Variants in CLSTN2 observed in about 807,000 individuals in gnomAD.
CLSTN2 encodes the protein calsyntenin 2.
A neutral mutation model predicts 101.2 loss-of-function variants in CLSTN2; 48 were observed. That is an observed-to-expected ratio of 0.47 (90% CI 0.38 to 0.60). The LOEUF is 0.60. CLSTN2 is among the 20% of genes least tolerant of loss of function. The probability of loss-of-function intolerance (pLI) is 0.00; values close to 1 mark genes in which losing one functional copy is unlikely to be tolerated. For missense variants in CLSTN2, 1,160 were observed against 1,238.2 expected, an observed-to-expected ratio of 0.94 and a Z score of 0.95; for synonymous variants, 481 against 463.6, an observed-to-expected ratio of 1.04 and a Z score of -0.48.
chr3:140,211,409 C>CACAT (rs1223907936), intron 2 of CLSTN2, among the ~76,000 whole-genome samples: 2 of 147,418 alleles, frequency 1.4e-5, no homozygotes, highest in Non-Finnish European at 3.0e-5. Context: ...CACACACACA[C>CACAT]ACACACACAC....
chr3:140,366,961 G>A (rs145041893), intron 2 of CLSTN2, among the ~76,000 whole-genome samples: 377 of 152,278 alleles, frequency 2.5e-3, no homozygotes, highest in Non-Finnish European at 4.2e-3. Context: ...AGGAAGGCAG[G>A]CCAAGCCAAA....
chr3:140,398,251 A>C (rs571893694), intron 2 of CLSTN2, among the ~76,000 whole-genome samples: 1 of 152,220 alleles, frequency 6.6e-6, no homozygotes, highest in Non-Finnish European at 1.5e-5. Context: ...TTTAAAGTGC[A>C]CTTTCCATTT....
intron 2 of CLSTN2, among the ~76,000 whole-genome samples, chr3:140,392,220 A>G (rs760093951): frequency 1.5e-4 from 22 of 151,076 alleles, no homozygotes; most frequent in Non-Finnish European, 2.9e-4. Context: ...CCACATTTAA[A>G]AAAAAGAAAT....
At chr3:140,197,721 G>A (rs752546032) in intron 2 of CLSTN2, among the ~76,000 whole-genome samples, 3 of 152,248 alleles carry the variant, frequency 2.0e-5, no homozygotes, top group Middle Eastern at 3.4e-3. Flanking sequence ...GCAGCCAAAC[G>A]TCCTACAATA....
intron 1 of CLSTN2, among the ~76,000 whole-genome samples, chr3:140,128,303 C>T (rs2009468354): frequency 6.6e-6 from 1 of 152,156 alleles, no homozygotes; most frequent in Non-Finnish European, 1.5e-5. Flanking sequence ...AATTTCCACC[C>T]ACTGTGGGCC....
chr3:140,538,707 C>T (rs969168555), intron 9 of CLSTN2, among the ~76,000 whole-genome samples: 1 of 152,150 alleles, frequency 6.6e-6, no homozygotes, highest in African/African-American at 2.4e-5. Context: ...TTTAAATTAT[C>T]CTGAGTCCCT....
chr3:140,435,187 A>C (rs529965118), intron 5 of CLSTN2, among the ~76,000 whole-genome samples: 23 of 152,244 alleles, frequency 1.5e-4, no homozygotes, highest in African/African-American at 5.3e-4. Flanking sequence ...ATATCCATTA[A>C]CCATCCCCAC....
intron 5 of CLSTN2, among the ~76,000 whole-genome samples, chr3:140,427,617 T>C (rs1187326965): frequency 6.6e-6 from 1 of 152,110 alleles, no homozygotes; most frequent in Non-Finnish European, 1.5e-5. Flanking sequence ...TGGATCTCAT[T>C]ACACGTAGAG....
chr3:140,380,505 A>T (rs987049656), intron 2 of CLSTN2, among the ~76,000 whole-genome samples: 1 of 152,240 alleles, frequency 6.6e-6, no homozygotes, highest in African/African-American at 2.4e-5. Context: ...TCTGCAATTC[A>T]TCCAAGTTTT....
intron 1 of CLSTN2, among the ~76,000 whole-genome samples, chr3:140,010,380 T>C (rs1334131904): frequency 6.6e-6 from 1 of 152,218 alleles, no homozygotes; most frequent in African/African-American, 2.4e-5. Flanking sequence ...TAGACATGGC[T>C]GCATTTGTGT....
chr3:140,456,873 T>C (rs1933413603), intron 6 of CLSTN2, among the ~76,000 whole-genome samples: 1 of 152,296 alleles, frequency 6.6e-6, no homozygotes, highest in African/African-American at 2.4e-5. Flanking sequence ...TGACCAGCAC[T>C]GGGTTATTTT....
At chr3:140,014,591 C>A (rs1291595358) in intron 1 of CLSTN2, among the ~76,000 whole-genome samples, 2 of 152,060 alleles carry the variant, frequency 1.3e-5, no homozygotes, top group Non-Finnish European at 2.9e-5. Flanking sequence ...AGAAGATGAG[C>A]AAGTGGGCCA....
chr3:140,073,986 T>C (rs2008441450), intron 1 of CLSTN2, among the ~76,000 whole-genome samples: 1 of 152,180 alleles, frequency 6.6e-6, no homozygotes, highest in Non-Finnish European at 1.5e-5. Flanking sequence ...AAGAGCATGA[T>C]GCCTTGTACT....
chr3:140,291,735 AAAG>A (rs887068036), intron 2 of CLSTN2, among the ~76,000 whole-genome samples: 1 of 150,824 alleles, frequency 6.6e-6, no homozygotes, highest in Non-Finnish European at 1.5e-5. Context: ...TCCAATGCCA[AAAG>A]GAGAACTTTG....
In CLSTN2 at chr3:140,556,576, C is replaced by T. The variant is rs773100620; in HGVS notation, c.1738C>T (p.Arg580Cys). ...AGGTGACGACATTGGGAACATTAAC[C>T]GTGCTCTCCAGAAAGTCTCCTACAT... ...MEGDDIGNIN[R>C]ALQKVSYINS... is the part of the protein sequence containing the mutation. The change falls in exon 11 of 17, where the codon CGT (arginine) becomes TGT (cysteine). Residue 580 changes from arginine to cysteine, a missense_variant. Transcript: ENST00000458420. 4.8e-5 allele frequency: 78 copies of T among 1,613,936 alleles called. No individual in the cohort carries two copies. Among genetic ancestry groups the T allele is most frequent in the East Asian group, 3.3e-4 (15 of 44,880 alleles).
At chr3:140,536,770 G>A (rs1935366836) in intron 9 of CLSTN2, among the ~76,000 whole-genome samples, 2 of 152,194 alleles carry the variant, frequency 1.3e-5, no homozygotes, top group African/African-American at 4.8e-5. Flanking sequence ...GGTAAGGGAG[G>A]CAACACCATA....
chr3:140,369,303 A>C (rs1463458157), intron 2 of CLSTN2, among the ~76,000 whole-genome samples: 1 of 152,238 alleles, frequency 6.6e-6, no homozygotes, highest in Non-Finnish European at 1.5e-5. Context: ...ATCAGCAGTC[A>C]TTATAAGTCA....
chr3:139,953,053 T>G (rs1219227206), intron 1 of CLSTN2, among the ~76,000 whole-genome samples: 2 of 152,138 alleles, frequency 1.3e-5, no homozygotes, highest in Admixed American at 1.3e-4. Flanking sequence ...GGTTGTTGAG[T>G]TAGGTGGGAC....
At chr3:140,525,538 A>T (rs1358748822) in intron 8 of CLSTN2, among the ~76,000 whole-genome samples, 1 of 152,200 alleles carries the variant, frequency 6.6e-6, no homozygotes, top group African/African-American at 2.4e-5. Context: ...AACTATTCCA[A>T]AAAATTGAAG....
Sources: gnomAD v4.1 joint callset for allele counts (sites outside exome capture counted in the v4.1 genomes callset) on GRCh38, gnomAD v4.1.1 for gene constraint, MANE v1.5 for transcripts, NCBI Gene and HGNC (gene_info 2026-07-23, HGNC 2026-07-21) for gene names.